The following ABL1 variants were observed in gnomAD, a reference collection of about 807,000 sequenced individuals.
ABL1 encodes tyrosine-protein kinase ABL1.
Under a neutral mutation model 94.7 loss-of-function variants are expected in ABL1, and 11 were observed. The observed-to-expected ratio is 0.12, with a 90% CI of 0.07 to 0.19. The LOEUF (loss-of-function observed/expected upper bound fraction) is 0.19. ABL1 is among the 10% of genes least tolerant of loss of function. The pLI is 1.00. For missense variants in ABL1, 1,082 were observed against 1,489.4 expected (o/e 0.73, Z 4.50); for synonymous variants, 656 against 622.4 (o/e 1.05, Z -0.80).
rs755840936 is a variant in ABL1 at position 130,876,733 on chromosome 9, CTTTTTTTT to C, written c.1271-1666_1271-1659del. Among the ~76,000 whole-genome samples the C allele has an allele frequency of 7.2e-5, 6 of 83,198 alleles. No homozygotes were observed. In the Admixed American group the frequency reaches 7.6e-4, roughly 11 times the overall value. 54.6% of individuals were successfully genotyped at this position (83,198 alleles called of 152,430 possible). The stretch of plus-strand genomic sequence containing the variant: ...ACCATGCCCTGCCACAAGTTGGTTT[CTTTTTTTT>C]TTTTTTTTTTTTTTTGAGACAGTCT... On this transcript the variant is annotated intron_variant, in intron 7 of 10. Coordinates refer to ENST00000318560, the MANE Select transcript of ABL1 (RefSeq NM_005157.6).
chr9:130,803,471 T>C (rs775382299), intron 1 of ABL1, among the ~76,000 whole-genome samples: 5 of 152,192 alleles, frequency 3.3e-5, no homozygotes, highest in Non-Finnish European at 4.4e-5. Flanking sequence ...AGACACAAAA[T>C]TGTTAAAGGC....
Position 130,793,803 on chromosome 9 carries a change from C to T in ABL1, c.137-60261C>T, listed in dbSNP as rs76264144. Among the ~76,000 whole-genome samples the T allele has an allele frequency of 2.2e-3, 328 of 152,210 alleles. 1 individual carries two copies. Among genetic ancestry groups the T allele is most frequent in the Non-Finnish European group, 3.6e-3 (244 of 68,020 alleles). On this transcript the variant is annotated intron_variant, in intron 1 of 10. Transcript: ENST00000372348. ...ATGAAGCTTCATCTGTATTTACAGCCGCTCCCCATAGTACTCATTACTGCC... is the reference window on the plus strand; with the variant it reads ...ATGAAGCTTCATCTGTATTTACAGCTGCTCCCCATAGTACTCATTACTGCC...
chr9:130,849,763 C>T (rs1830828235), intron 1 of ABL1, among the ~76,000 whole-genome samples: 1 of 152,156 alleles, frequency 6.6e-6, no homozygotes, highest in Non-Finnish European at 1.5e-5. Context: ...AGTGATTGCC[C>T]GCCTTGGCCT....
chr9:130,808,304 C>T (rs1246721660), intron 1 of ABL1, among the ~76,000 whole-genome samples: 1 of 148,038 alleles, frequency 6.8e-6, no homozygotes, highest in Non-Finnish European at 1.5e-5. Flanking sequence ...AGTGCAGTGG[C>T]ACAATCTCGG....
At chr9:130,722,072 G>A (rs1831522159) in intron 1 of ABL1, among the ~76,000 whole-genome samples, 1 of 151,242 alleles carries the variant, frequency 6.6e-6, no homozygotes. Context: ...GTGAGCCACC[G>A]TGCCTGGCTA....
intron 1 of ABL1, among the ~76,000 whole-genome samples, chr9:130,756,582 G>C (rs1170333173): frequency 1.3e-5 from 2 of 152,142 alleles, no homozygotes; most frequent in Non-Finnish European, 2.9e-5. Context: ...TCTGCTCACT[G>C]TGTTTAAGGC....
chr9:130,869,425 G>T (rs1831215544), intron 4 of ABL1, among the ~76,000 whole-genome samples: 1 of 152,228 alleles, frequency 6.6e-6, no homozygotes, highest in Non-Finnish European at 1.5e-5. Flanking sequence ...TTGTGCAGAT[G>T]AGAAAACAGG....
At chr9:130,738,379 A>G (rs570167131) in intron 1 of ABL1, among the ~76,000 whole-genome samples, 16 of 152,350 alleles carry the variant, frequency 1.1e-4, no homozygotes, top group African/African-American at 3.8e-4. Flanking sequence ...TCAGAACAAT[A>G]AGGAAGAAAT....
At chr9:130,785,035 A>G (rs1171963646) in intron 1 of ABL1, among the ~76,000 whole-genome samples, 2 of 152,078 alleles carry the variant, frequency 1.3e-5, no homozygotes, top group Non-Finnish European at 2.9e-5. Flanking sequence ...CTAGTTATCA[A>G]TTTCTTGCTT....
chr9:130,758,263 C>A (rs554986243), intron 1 of ABL1, among the ~76,000 whole-genome samples: 1 of 151,712 alleles, frequency 6.6e-6, no homozygotes, highest in Non-Finnish European at 1.5e-5. Context: ...TGGGTTCAAG[C>A]CATTTTCCTG....
At chr9:130,732,797 G>A (rs1479615626) in intron 1 of ABL1, among the ~76,000 whole-genome samples, 2 of 149,422 alleles carry the variant, frequency 1.3e-5, no homozygotes, top group Non-Finnish European at 3.0e-5. Context: ...TTTTCACTGT[G>A]TCCGTCTGTT....
chr9:130,871,001 C>T (rs528693205), intron 4 of ABL1, among the ~76,000 whole-genome samples: 6 of 152,258 alleles, frequency 3.9e-5, no homozygotes, highest in Non-Finnish European at 2.9e-5. Flanking sequence ...CCAAACGGGC[C>T]GGAACATACA....
At chr9:130,809,381 TGAGAGA>T (rs370101656) in intron 1 of ABL1, among the ~76,000 whole-genome samples, 13,864 of 132,304 alleles carry the variant, frequency 0.1, 925 homozygotes, top group African/African-American at 0.19. Flanking sequence ...TGAAGGTTCT[TGAGAGA>T]GAGAGAGAGA....
chr9:130,771,146 C>G (rs1832246141), intron 1 of ABL1, among the ~76,000 whole-genome samples: 1 of 152,188 alleles, frequency 6.6e-6, no homozygotes, highest in Non-Finnish European at 1.5e-5. Flanking sequence ...TGGTGGTGCT[C>G]CCTTCAAAAG....
chr9:130,765,228 T>C (rs754613187), intron 1 of ABL1, among the ~76,000 whole-genome samples: 10 of 152,192 alleles, frequency 6.6e-5, no homozygotes, highest in Non-Finnish European at 1.2e-4. Context: ...GAGGTCCATA[T>C]CCTTCATCAG....
At chr9:130,802,858 T>G (rs1034597439) in intron 1 of ABL1, among the ~76,000 whole-genome samples, 2 of 152,104 alleles carry the variant, frequency 1.3e-5, no homozygotes, top group African/African-American at 2.4e-5. Flanking sequence ...TATCAGGTGG[T>G]TTTCTTGGCT....
At chr9:130,828,359 C>CA (rs11380213) in intron 1 of ABL1, among the ~76,000 whole-genome samples, 32,239 of 152,122 alleles carry the variant, frequency 0.21, 4,093 homozygotes, top group African/African-American at 0.36. Context: ...TGAGCCACCA[C>CA]ACCCAGCAAG....
At chr9:130,879,315 C>G (rs1831412248) in intron 8 of ABL1, among the ~76,000 whole-genome samples, 1 of 152,092 alleles carries the variant, frequency 6.6e-6, no homozygotes, top group South Asian at 2.1e-4. Context: ...CATGTCTTTC[C>G]ACGTCCATAT....
At chr9:130,773,912 C>A (rs1832283111) in intron 1 of ABL1, among the ~76,000 whole-genome samples, 1 of 152,162 alleles carries the variant, frequency 6.6e-6, no homozygotes, top group Non-Finnish European at 1.5e-5. Flanking sequence ...GCCCATCATC[C>A]TCAGAAGTTT....
Sources: allele counts gnomAD v4.1 joint callset (sites outside exome capture counted in the v4.1 genomes callset), GRCh38; gene constraint gnomAD v4.1.1; transcripts MANE v1.5; gene names NCBI Gene and HGNC (gene_info 2026-07-23, HGNC 2026-07-21).